Variants in MYT1L observed in about 807,000 individuals in gnomAD.
MYT1L encodes the protein myelin transcription factor 1-like protein.
Under a neutral mutation model 126.7 loss-of-function variants are expected in MYT1L, and 12 were observed. The observed-to-expected ratio is 0.09, with a 90% confidence interval of 0.06 to 0.15. MYT1L has a LOEUF of 0.15. Ranked by LOEUF, MYT1L falls within the 10% of genes least tolerant of loss-of-function variation. MYT1L has a pLI of 1.00. For missense variants in MYT1L, 979 were observed against 1,585.2 expected (o/e 0.62, Z 6.49); for synonymous variants, 541 against 604.2 (o/e 0.90, Z 1.53).
chr2:2,019,651 G>A (rs1284824122), intron 4 of MYT1L, among the ~76,000 whole-genome samples: 1 of 152,182 alleles, frequency 6.6e-6, no homozygotes, highest in Non-Finnish European at 1.5e-5. Flanking sequence ...ACCTTTGTTA[G>A]TTTTTTCTAT....
intron 4 of MYT1L, among the ~76,000 whole-genome samples, chr2:2,045,601 A>C (rs2068084973): frequency 6.6e-6 from 1 of 152,232 alleles, no homozygotes; most frequent in Admixed American, 6.5e-5. Context: ...GAGAGCATGC[A>C]AAGCATTTTA....
At chr2:2,064,783 T>A (rs929596561) in intron 3 of MYT1L, among the ~76,000 whole-genome samples, 7 of 152,234 alleles carry the variant, frequency 4.6e-5, no homozygotes, top group Non-Finnish European at 8.8e-5. Flanking sequence ...GAAAAGCTTG[T>A]TGGAAAGTAA....
intron 3 of MYT1L, among the ~76,000 whole-genome samples, chr2:2,093,676 C>A (rs1221033078): frequency 2.0e-5 from 3 of 152,150 alleles, no homozygotes; most frequent in Admixed American, 2.0e-4. Flanking sequence ...TTTTGCTGTG[C>A]AGAAGCTCTT....
chr2:2,122,157 G>A (rs1271854272), intron 3 of MYT1L, among the ~76,000 whole-genome samples: 5 of 152,222 alleles, frequency 3.3e-5, no homozygotes, highest in Admixed American at 1.3e-4. Context: ...TCAACTGCCT[G>A]TATCTCCCAC....
chr2:1,800,632 G>A (rs113390477), intron 23 of MYT1L, among the ~76,000 whole-genome samples: 13 of 152,300 alleles, frequency 8.5e-5, no homozygotes, highest in African/African-American at 3.1e-4. Flanking sequence ...GAGCAGAGCC[G>A]TTGACCACAC....
chr2:2,237,062 T>A (rs2094339803), intron 2 of MYT1L, among the ~76,000 whole-genome samples: 1 of 152,068 alleles, frequency 6.6e-6, no homozygotes, highest in Non-Finnish European at 1.5e-5. Context: ...GATCCATTCA[T>A]CTCAGCCTCC....
At chr2:1,995,664 G>C (rs1410763714) in intron 5 of MYT1L, among the ~76,000 whole-genome samples, 3 of 152,166 alleles carry the variant, frequency 2.0e-5, no homozygotes, top group Non-Finnish European at 4.4e-5. Context: ...AGGCCCTCCC[G>C]TGTGGGTTCG....
At chr2:2,198,012 A>G (rs1161552276) in intron 2 of MYT1L, among the ~76,000 whole-genome samples, 2 of 151,784 alleles carry the variant, frequency 1.3e-5, no homozygotes, top group Non-Finnish European at 2.9e-5. Flanking sequence ...CACATACACA[A>G]TGAATATGTG....
chr2:2,144,341 C>T (rs1388942472), intron 3 of MYT1L, among the ~76,000 whole-genome samples: 4 of 152,264 alleles, frequency 2.6e-5, no homozygotes, highest in Admixed American at 6.5e-5. Context: ...CACCAGTCAG[C>T]GGCCTCATCT....
rs1328549522 is a variant in MYT1L, at chr2:2,228,553, T to C, written c.-420-55565A>G. 6.6e-6 allele frequency among the ~76,000 whole-genome samples: 1 copy of C among 152,174 alleles called. No homozygotes were observed. Among genetic ancestry groups the C allele is most frequent in the Non-Finnish European group, 1.5e-5 (1 of 68,018 alleles). ...TTTTTTGCCAATCTTTTTGATTTTA[T>C]AGAAAAAGTATTTATATAAATTCTT... On this transcript the variant is annotated intron_variant, in intron 2 of 24. Transcript: ENST00000647738. The surrounding 1 kb of genome is among the most constrained non-coding windows in gnomAD (Gnocchi z 5.9).
chr2:1,833,046 C>T (rs558909850), intron 21 of MYT1L, among the ~76,000 whole-genome samples: 8 of 152,182 alleles, frequency 5.3e-5, no homozygotes, highest in Middle Eastern at 3.2e-3. Context: ...CGTCTGTCGG[C>T]GGCTTAGGGG....
chr2:1,835,841 ATGGCAGGGCTCCAGCAGGAGCCGCCCC>A (rs1415246128), intron 21 of MYT1L, among the ~76,000 whole-genome samples: 1 of 152,188 alleles, frequency 6.6e-6, no homozygotes, highest in African/African-American at 2.4e-5. Context: ...CAGCCAGCCC[ATGGCAGGGCTCCAGCAGGAGCCGCCCC>A]TGGCATGCTG....
At chr2:2,029,042 T>C (rs144636592) in intron 4 of MYT1L, among the ~76,000 whole-genome samples, 137 of 152,336 alleles carry the variant, frequency 9.0e-4, no homozygotes, top group African/African-American at 3.1e-3. Context: ...TCTTTTAAAC[T>C]CAAGTATTAC....
intron 2 of MYT1L, among the ~76,000 whole-genome samples, chr2:2,274,227 A>C (rs902072785): frequency 5.3e-5 from 8 of 151,846 alleles, no homozygotes; most frequent in Non-Finnish European, 2.9e-5. Flanking sequence ...CATTGTGTAC[A>C]TGTATGAAAA....
intron 2 of MYT1L, among the ~76,000 whole-genome samples, chr2:2,247,018 GTCA>G (rs1383608489): frequency 6.6e-6 from 1 of 152,092 alleles, no homozygotes; most frequent in Non-Finnish European, 1.5e-5. Context: ...AAATCAGTCT[GTCA>G]GGAGTAAGTT....
chr2:2,171,529 C>T (rs1390670107), intron 3 of MYT1L, among the ~76,000 whole-genome samples: 1 of 152,194 alleles, frequency 6.6e-6, no homozygotes, highest in Non-Finnish European at 1.5e-5. Flanking sequence ...ATGTATGAAA[C>T]ACCTACAGTT....
At chr2:1,816,354 T>G (rs2037635488) in intron 21 of MYT1L, 1 of 152,674 alleles carries the variant, frequency 6.5e-6, no homozygotes, top group African/African-American at 2.4e-5. Context: ...ATAGCAGTTG[T>G]GTGGTGCCTG....
At position 1,848,050 on chromosome 2, in the gene MYT1L, C is replaced by T. The variant is rs546273307; in HGVS notation, c.2774+3591G>A. Reference sequence around the variant, plus strand: ...AGTTGCAGCTCTGCTACTGAATCTCCTGGCCCCTCAGTTTCCTCAAATTCA... The same window carrying T: ...AGTTGCAGCTCTGCTACTGAATCTCTTGGCCCCTCAGTTTCCTCAAATTCA... On this transcript the variant is annotated intron_variant, in intron 19 of 24. Transcript: ENST00000647738. This position sits in a 1 kb window ranked among gnomAD's most constrained non-coding sequence, Gnocchi z 4.8. Among the ~76,000 whole-genome samples, 16 of 152,326 alleles carry T rather than the reference C, an allele frequency of 1.1e-4. No individual in the cohort carries two copies. In the East Asian group the frequency reaches 3.1e-3, roughly 29 times the overall value.
At chr2:1,862,517 T>C (rs1386700879) in intron 18 of MYT1L, among the ~76,000 whole-genome samples, 5 of 152,208 alleles carry the variant, frequency 3.3e-5, no homozygotes, top group Non-Finnish European at 7.3e-5. Flanking sequence ...AAGGGCTCAT[T>C]CGTTCCTCTT....
Sources: allele counts gnomAD v4.1 joint callset (sites outside exome capture counted in the v4.1 genomes callset), GRCh38; gene constraint gnomAD v4.1.1; non-coding constraint Gnocchi (gnomAD v3.1); transcripts MANE v1.5; gene names NCBI Gene and HGNC (gene_info 2026-07-23, HGNC 2026-07-21).